The following DAB2IP variants were observed in gnomAD, a reference collection of about 807,000 sequenced individuals.
DAB2IP encodes DAB2 interacting protein, also known as disabled homolog 2-interacting protein.
A neutral mutation model predicts 107.2 loss-of-function variants in DAB2IP; 28 were observed. The ratio of observed to expected loss-of-function variants is 0.26; its 90% CI spans 0.19 to 0.36. The LOEUF (loss-of-function observed/expected upper bound fraction) is 0.36, where lower values mean the gene tolerates loss of function less well. Ranked by LOEUF, DAB2IP falls within the 10% of genes least tolerant of loss-of-function variation. The probability of loss-of-function intolerance (pLI) is 1.00; values close to 1 mark genes in which losing one functional copy is unlikely to be tolerated. For missense variants in DAB2IP, 1,400 were observed against 1,644.7 expected (o/e 0.85, Z 2.57); for synonymous variants, 755 against 706.4 (o/e 1.07, Z -1.09).
chr9:121,773,637 G>A (rs189715894), intron 12 of DAB2IP, 142 bp downstream of exon 12: 127 of 1,096,454 alleles, frequency 1.2e-4, no homozygotes, highest in South Asian at 6.9e-4. Context: ...TGCCACATGC[G>A]CCACCACCCC....
At chr9:121,680,266 C>T (rs1034531212) in intron 2 of DAB2IP, among the ~76,000 whole-genome samples, 11 of 152,234 alleles carry the variant, frequency 7.2e-5, no homozygotes, top group African/African-American at 2.7e-4. Context: ...TGATTCTCTC[C>T]ACTGCCAGTA....
At chr9:121,693,378 C>G (rs1040897707) in intron 2 of DAB2IP, among the ~76,000 whole-genome samples, 2 of 152,216 alleles carry the variant, frequency 1.3e-5, no homozygotes, top group African/African-American at 4.8e-5. Context: ...CCTGCCAGCT[C>G]ATGCACCCAG....
intron 1 of DAB2IP, among the ~76,000 whole-genome samples, chr9:121,593,387 C>T (rs1830455022): frequency 1.3e-5 from 2 of 152,162 alleles, no homozygotes; most frequent in South Asian, 4.1e-4. Flanking sequence ...CCCAACTCAG[C>T]CTCCCTAGAA....
chr9:121,718,453 CTTCGAGGTCTT>C (rs1830734503), intron 3 of DAB2IP, among the ~76,000 whole-genome samples: 1 of 152,198 alleles, frequency 6.6e-6, no homozygotes, highest in African/African-American at 2.4e-5. Flanking sequence ...CAAAACCCGA[CTTCGAGGTCTT>C]AACAAGTCCC....
intron 1 of DAB2IP, among the ~76,000 whole-genome samples, chr9:121,617,531 C>T (rs992703750): frequency 1.3e-5 from 2 of 152,220 alleles, no homozygotes; most frequent in African/African-American, 2.4e-5. Flanking sequence ...AGTCTCTCTT[C>T]TCTGCACCTC....
chr9:121,620,748 G>T (rs962962402), intron 1 of DAB2IP, among the ~76,000 whole-genome samples: 1 of 152,010 alleles, frequency 6.6e-6, no homozygotes, highest in East Asian at 1.9e-4. Flanking sequence ...TGTTGACACC[G>T]CTTGACCCTC....
At chr9:121,601,341 T>A (rs974388679) in intron 1 of DAB2IP, among the ~76,000 whole-genome samples, 1 of 152,178 alleles carries the variant, frequency 6.6e-6, no homozygotes, top group Non-Finnish European at 1.5e-5. Context: ...CCCCACTTGG[T>A]GAACATCTAG....
intron 3 of DAB2IP, among the ~76,000 whole-genome samples, chr9:121,741,679 G>C (rs1394166292): frequency 6.6e-6 from 1 of 151,806 alleles, no homozygotes; most frequent in Non-Finnish European, 1.5e-5. Context: ...TTTATAGAAA[G>C]AAACAGGCTG....
chr9:121,641,064 T>A (rs1009979414), intron 1 of DAB2IP, among the ~76,000 whole-genome samples: 2 of 148,336 alleles, frequency 1.3e-5, no homozygotes, highest in African/African-American at 2.4e-5. Context: ...CCTCCTGGGA[T>A]GGGGTGACTC....
At chr9:121,646,443 C>A (rs1302120539) in intron 1 of DAB2IP, among the ~76,000 whole-genome samples, 1 of 152,042 alleles carries the variant, frequency 6.6e-6, no homozygotes, top group Admixed American at 6.6e-5. Flanking sequence ...CCAGACAGGC[C>A]ACCTCCTGGG....
intron 1 of DAB2IP, among the ~76,000 whole-genome samples, chr9:121,577,111 T>G (rs1830079089): frequency 6.6e-6 from 1 of 152,146 alleles, no homozygotes; most frequent in African/African-American, 2.4e-5. Context: ...GCCACATCCC[T>G]CCATGTCTTG....
intron 1 of DAB2IP, among the ~76,000 whole-genome samples, chr9:121,656,896 C>A (rs187647917): frequency 2.6e-5 from 4 of 152,316 alleles, no homozygotes; most frequent in African/African-American, 9.6e-5. Flanking sequence ...ATTCACCTTG[C>A]GATATCCGTG....
At chr9:121,583,516 A>G (rs941902040) in intron 1 of DAB2IP, among the ~76,000 whole-genome samples, 7 of 152,242 alleles carry the variant, frequency 4.6e-5, no homozygotes, top group African/African-American at 1.7e-4. Context: ...CACCCTGAGC[A>G]TCAGAGCAAT....
chr9:121,690,583 C>T (rs1829113302), intron 2 of DAB2IP, among the ~76,000 whole-genome samples: 1 of 152,186 alleles, frequency 6.6e-6, no homozygotes, highest in Non-Finnish European at 1.5e-5. Flanking sequence ...TGGGTTGTCA[C>T]ATCCCAAGCT....
Position 121,602,223 on chromosome 9 carries a change from A to G in DAB2IP, c.40+34995A>G, listed in dbSNP as rs1436389467. ...GGCTTTCTCCCAACTTAAGATGGGT[A>G]TGCTGTTCCACCCACTGGTGGGTGG... On this transcript the variant is annotated intron_variant, in intron 1 of 16. Coordinates refer to the DAB2IP transcript ENST00000259371. 3.9e-5 allele frequency among the ~76,000 whole-genome samples: 6 copies of G among 152,132 alleles called. No homozygotes were observed. The East Asian group carries it at 9.6e-4, about 24-fold the overall frequency.
chr9:121,651,641 T>TG lies in DAB2IP; in HGVS notation c.-131dup. ...CGGAGGAGGAGTTTGAGCGACTTTGTGGGGCAGCCAGGGCCTCGGCGGCCG... is the reference window on the plus strand; with the variant it reads ...CGGAGGAGGAGTTTGAGCGACTTTGTGGGGGCAGCCAGGGCCTCGGCGGCCG... On this transcript the variant is annotated 5_prime_UTR_variant, in exon 1 of 16. Transcript: ENST00000408936. The surrounding 1 kb of genome is among the most constrained non-coding windows in gnomAD (Gnocchi z 5.1). The TG allele has an allele frequency of 9.4e-7, 1 of 1,065,606 alleles. No individual in the cohort carries two copies. Among genetic ancestry groups the TG allele is most frequent in the Non-Finnish European group, 1.1e-6 (1 of 883,098 alleles). The allele number at this position is 1,065,606 out of a possible 1,614,324, so 66.0% of individuals were successfully genotyped here. A position where few individuals can be genotyped will look rare whatever the true frequency, so the allele number is the denominator to read the frequency against.
chr9:121,635,900 C>CT lies in DAB2IP; in HGVS notation c.41-42772dup, dbSNP rs1309570867. The stretch of plus-strand genomic sequence containing the variant: ...AAGGGACAGTCCCCTGTTTAGATGT[C>CT]TTTTTTGGGGGGGGGTCTGGGGGAT... On this transcript the variant is annotated intron_variant, in intron 1 of 16. Coordinates refer to the DAB2IP transcript ENST00000259371. The surrounding 1 kb of genome is among the most constrained non-coding windows in gnomAD (Gnocchi z 4.3). 8.2e-6 allele frequency among the ~76,000 whole-genome samples: 1 copy of CT among 121,742 alleles called. No individual in the cohort carries two copies. The highest frequency in any genetic ancestry group is 3.6e-5 in the African/African-American group (1 of 27,662). The allele number at this position is 121,742 out of a possible 152,430, so 79.9% of individuals were successfully genotyped here. A position where few individuals can be genotyped will look rare whatever the true frequency, so the allele number is the denominator to read the frequency against.
At chr9:121,653,234 ACTCCTTGGAGGGAGTACTAAGCCTTTAGT>A in intron 1 of DAB2IP, among the ~76,000 whole-genome samples, 1 of 49,478 alleles carries the variant, frequency 2.0e-5, no homozygotes, top group Non-Finnish European at 5.9e-5. Context: ...AGCCTTTAGT[ACTCCTTGGAGGGAGTACTAAGCCTTTAGT>A]ACTCCTTGGA....
chr9:121,632,118 G>A (rs2119018159), intron 1 of DAB2IP, among the ~76,000 whole-genome samples: 1 of 152,338 alleles, frequency 6.6e-6, no homozygotes, highest in South Asian at 2.1e-4. Context: ...CTGGGGCTGG[G>A]ACTGACCGCC....
Sources: allele counts gnomAD v4.1 joint callset (sites outside exome capture counted in the v4.1 genomes callset), GRCh38; gene constraint gnomAD v4.1.1; non-coding constraint Gnocchi (gnomAD v3.1); transcripts MANE v1.5; gene names NCBI Gene and HGNC (gene_info 2026-07-23, HGNC 2026-07-21).